Variants in RPGRIP1L observed in about 807,000 individuals in gnomAD.
RPGRIP1L encodes the protein protein fantom.
A neutral mutation model predicts 160.4 loss-of-function variants in RPGRIP1L; 131 were observed. The observed-to-expected ratio is 0.82, with a 90% CI of 0.71 to 0.94. The LOEUF (loss-of-function observed/expected upper bound fraction) is 0.94. Ranked by LOEUF, RPGRIP1L falls within the 40% of genes least tolerant of loss-of-function variation. The pLI is 0.00. For missense variants in RPGRIP1L, 1,522 were observed against 1,535.8 expected, an observed-to-expected ratio of 0.99 and a Z score of 0.15; for synonymous variants, 510 against 515.8, an observed-to-expected ratio of 0.99 and a Z score of 0.15.
At position 53,687,963 on chromosome 16, in the gene RPGRIP1L, T is replaced by C. The variant is rs140067659; in HGVS notation, c.532A>G (p.Ile178Val). ...AGLQECPRKG[I>V]KFQDADVAET... is the part of the protein sequence containing the mutation. ...GCTACATCTGCATCTTGGAATTTTA[T>C]ACCTAAAAACAAAGTAATAAAATAT... Residue 178 changes from isoleucine to valine, a missense_variant and splice_region_variant, in exon 5 of 27, where the codon ATA becomes GTA. Ile to Val is a conservative substitution (Grantham distance 29). Transcript: ENST00000647211. 3.8e-4 allele frequency: 600 copies of C among 1,568,252 alleles called. 3 individuals are homozygous for C. The African/African-American group carries it at 7.4e-3, about 19-fold the overall frequency.
intron 8 of RPGRIP1L, among the ~76,000 whole-genome samples, chr16:53,672,664 A>T (rs1216355102): frequency 6.6e-6 from 1 of 152,194 alleles, no homozygotes; most frequent in Admixed American, 6.5e-5. Flanking sequence ...TTGGGTAAAC[A>T]GTGGATCTTG....
At chr16:53,669,132 G>A (rs1204669126) in intron 9 of RPGRIP1L, among the ~76,000 whole-genome samples, 4 of 152,086 alleles carry the variant, frequency 2.6e-5, no homozygotes, top group African/African-American at 4.8e-5. Context: ...TGGCAATAAC[G>A]AATAACAGTG....
chr16:53,700,029 G>A (rs1344685208), intron 2 of RPGRIP1L, among the ~76,000 whole-genome samples: 2 of 152,102 alleles, frequency 1.3e-5, no homozygotes, highest in Admixed American at 6.5e-5. Context: ...GTTGATAATC[G>A]ATACATGCAT....
At chr16:53,674,930 A>G (rs1198532086) in intron 7 of RPGRIP1L, 87 bp downstream of exon 7, 1 of 806,060 alleles carries the variant, frequency 1.2e-6, no homozygotes, top group African/African-American at 1.7e-5. Flanking sequence ...GTGTTATGAT[A>G]ATTCCATGTT....
chr16:53,653,086 G>A, intron 14 of RPGRIP1L, 99 bp from the exon 15 acceptor site: 1 of 997,654 alleles, frequency 1.0e-6, no homozygotes, highest in East Asian at 2.5e-5. Context: ...CTGGTGAACA[G>A]TCTCTATTTT....
At chr16:53,637,160 C>A (rs571883466) in intron 21 of RPGRIP1L, among the ~76,000 whole-genome samples, 1 of 152,176 alleles carries the variant, frequency 6.6e-6, no homozygotes, top group African/African-American at 2.4e-5. Flanking sequence ...CTATGCCTGG[C>A]TAAAATTAGA....
chr16:53,651,561 T>C (rs1966853728), intron 15 of RPGRIP1L, among the ~76,000 whole-genome samples: 1 of 152,190 alleles, frequency 6.6e-6, no homozygotes. Flanking sequence ...TTCCTCCCAC[T>C]GTCAGGCTTG....
intron 22 of RPGRIP1L, among the ~76,000 whole-genome samples, chr16:53,630,088 ACAGGCTGGAGTG>A (rs1965427939): frequency 2.0e-5 from 3 of 152,142 alleles, no homozygotes; most frequent in Non-Finnish European, 4.4e-5. Context: ...CCTCTGTCAC[ACAGGCTGGAGTG>A]CAGTGGTATG....
At chr16:53,605,688 G>A (rs947388515) in intron 25 of RPGRIP1L, 74 bp from the exon 26 acceptor site, 27 of 1,477,578 alleles carry the variant, frequency 1.8e-5, no homozygotes, top group Middle Eastern at 2.1e-4. Context: ...TCCCAAATGG[G>A]GTGTTATCAC....
chr16:53,683,369 A>G (rs1019891207), intron 6 of RPGRIP1L, among the ~76,000 whole-genome samples: 8 of 152,164 alleles, frequency 5.3e-5, no homozygotes, highest in Non-Finnish European at 7.4e-5. Flanking sequence ...TTTGGATTCC[A>G]ATTCAAATGA....
At chr16:53,639,555 A>G (rs76674166) in intron 19 of RPGRIP1L, among the ~76,000 whole-genome samples, 8,657 of 152,184 alleles carry the variant, frequency 0.057, 422 homozygotes, top group African/African-American at 0.13. Context: ...TATCATGACT[A>G]ACATTGCAAC....
intron 24 of RPGRIP1L, 60 bp downstream of exon 24, chr16:53,618,965 T>C: frequency 7.5e-7 from 1 of 1,342,072 alleles, no homozygotes; most frequent in Non-Finnish European, 1.1e-6. Flanking sequence ...TTCTTTCCAC[T>C]TCTTTCATAA....
At chr16:53,637,232 C>G (rs1027930981) in intron 21 of RPGRIP1L, among the ~76,000 whole-genome samples, 12 of 152,124 alleles carry the variant, frequency 7.9e-5, no homozygotes, top group Non-Finnish European at 1.2e-4. Flanking sequence ...ACATGTCCAT[C>G]ACCTCAAAAA....
At chr16:53,605,403 CA>C in intron 26 of RPGRIP1L, 77 bp downstream of exon 26, 1 of 1,554,196 alleles carries the variant, frequency 6.4e-7, no homozygotes, top group Non-Finnish European at 8.9e-7. Context: ...TTGGAGCCAG[CA>C]AAAAGAAGGT....
chr16:53,640,985 C>A, intron 19 of RPGRIP1L, 48 bp downstream of exon 19: 1 of 1,334,938 alleles, frequency 7.5e-7, no homozygotes, highest in Non-Finnish European at 1.1e-6. Flanking sequence ...TAATTTATTT[C>A]AAATATTTGT....
intron 22 of RPGRIP1L, among the ~76,000 whole-genome samples, chr16:53,624,523 G>T (rs1273040137): frequency 6.6e-6 from 1 of 151,698 alleles, no homozygotes; most frequent in Non-Finnish European, 1.5e-5. Context: ...CAGTCTAGGT[G>T]ACAGAGCGAG....
At chr16:53,676,067 C>T (rs969707289) in intron 6 of RPGRIP1L, among the ~76,000 whole-genome samples, 1 of 151,994 alleles carries the variant, frequency 6.6e-6, no homozygotes, top group African/African-American at 2.4e-5. Flanking sequence ...CTAGTGTACA[C>T]ATATTGGAAA....
At chr16:53,671,367 T>A (rs953096756) in intron 9 of RPGRIP1L, 143 bp downstream of exon 9, 10 of 609,544 alleles carry the variant, frequency 1.6e-5, no homozygotes, top group Non-Finnish European at 2.6e-5. Flanking sequence ...AAAGCTTGTA[T>A]TTCCTTTATA....
intron 22 of RPGRIP1L, among the ~76,000 whole-genome samples, chr16:53,625,808 T>C (rs1598264932): frequency 6.6e-6 from 1 of 152,324 alleles, no homozygotes; most frequent in East Asian, 1.9e-4. Flanking sequence ...GAAAAATTCT[T>C]CTGCCTTGGG....
Sources: gnomAD v4.1 joint callset for allele counts (sites outside exome capture counted in the v4.1 genomes callset) on GRCh38, gnomAD v4.1.1 for gene constraint, MANE v1.5 for transcripts, NCBI Gene and HGNC (gene_info 2026-07-23, HGNC 2026-07-21) for gene names.